Variants in PIGB observed in about 807,000 individuals in gnomAD.
PIGB encodes the protein GPI alpha-1,2-mannosyltransferase 3.
Under a neutral mutation model 68.4 loss-of-function variants are expected in PIGB, and 58 were observed. The observed-to-expected ratio is 0.85, with a 90% CI of 0.69 to 1.06. The LOEUF (loss-of-function observed/expected upper bound fraction) is 1.06, where lower values mean the gene tolerates loss of function less well. Among genes scored for constraint, PIGB ranks in the 50% least tolerant of loss-of-function variants. The pLI is 0.00. For missense variants in PIGB, 634 were observed against 655.8 expected (o/e 0.97, Z 0.36); for synonymous variants, 219 against 220.5 (o/e 0.99, Z 0.06).
rs1343692559 is a variant in PIGB at position 55,333,858 on chromosome 15, C to G, written c.654-9C>G. ...CCCACTTGTCTTATCACACATTTTC[C>G]TCTTATAGTGTCAAATACTCATCCC... On this transcript the variant is annotated splice_polypyrimidine_tract_variant and intron_variant, in intron 5 of 11. Transcript: ENST00000164305. 6.4e-7 allele frequency: 1 copy of G among 1,553,490 alleles called. No individual in the cohort carries two copies. The highest frequency in any genetic ancestry group is 2.0e-5 in the Admixed American group (1 of 50,266).
At chr15:55,336,064 C>T (rs1263094559) in intron 6 of PIGB, among the ~76,000 whole-genome samples, 3 of 152,142 alleles carry the variant, frequency 2.0e-5, no homozygotes, top group African/African-American at 4.8e-5. Flanking sequence ...AATACAGATG[C>T]TCCTTGACTC....
At chr15:55,352,904 A>G (rs1321618645) in intron 10 of PIGB, among the ~76,000 whole-genome samples, 3 of 152,240 alleles carry the variant, frequency 2.0e-5, no homozygotes, top group Admixed American at 6.5e-5. Flanking sequence ...GAATACTCCT[A>G]TTTAACTAAT....
chr15:55,324,855 T>C, intron 3 of PIGB: 1 of 966,942 alleles, frequency 1.0e-6, no homozygotes, highest in Non-Finnish European at 1.2e-6. Flanking sequence ...GAGTGCCTTT[T>C]CCTGTATTTT....
At chr15:55,341,628 G>T in intron 8 of PIGB, 110 bp from the exon 9 acceptor site, 1 of 369,410 alleles carries the variant, frequency 2.7e-6, no homozygotes, top group Non-Finnish European at 4.6e-6. Flanking sequence ...TGAATACTTA[G>T]AAAATAAATA....
chr15:55,341,844 ATAGT>A, intron 9 of PIGB, 42 bp downstream of exon 9: 1 of 880,560 alleles, frequency 1.1e-6, no homozygotes, highest in Non-Finnish European at 1.6e-6. Flanking sequence ...TTATATAGAA[ATAGT>A]CTAAAGACAA....
intron 10 of PIGB, among the ~76,000 whole-genome samples, chr15:55,353,998 T>TAAAAATAAAAAAAAAAAAAAA (rs112479438): frequency 8.0e-5 from 9 of 112,036 alleles, no homozygotes; most frequent in African/African-American, 3.8e-4. Flanking sequence ...TCATCTTAAA[T>TAAAAATAAAAAAAAAAAAAAA]AAAAAAAAAA....
intron 8 of PIGB, among the ~76,000 whole-genome samples, chr15:55,341,370 G>A (rs1426354377): frequency 6.6e-6 from 1 of 151,842 alleles, no homozygotes; most frequent in Non-Finnish European, 1.5e-5. Context: ...CAGTCAATCA[G>A]TCAATCAATA....
chr15:55,321,221 A>AAC (rs2055155921), intron 2 of PIGB, 52 bp from the exon 3 acceptor site: 5 of 1,446,734 alleles, frequency 3.5e-6, no homozygotes, highest in Non-Finnish European at 4.6e-6. Context: ...AAAAAAAAAA[A>AAC]CACGGAAATA....
At position 55,329,740 on chromosome 15, in the gene PIGB, G is replaced by T; in HGVS notation, c.539G>T (p.Cys180Phe). ...VARWVFFCQL[C>F]SWFTWYCCTR... ...TTTTCTTAGTTTTTTTGCCAGTTGT[G>T]CTCCTGGTTCACATGGTATTGCTGT... The change falls in exon 5 of 12, where the codon TGC (cysteine) becomes TTC (phenylalanine). Residue 180 changes from cysteine to phenylalanine, a missense_variant. Cys to Phe is a radical substitution (Grantham distance 205). Coordinates refer to ENST00000164305, the MANE Select transcript of PIGB (RefSeq NM_004855.5). The T allele has an allele frequency of 6.2e-7, 1 of 1,609,312 alleles. No individual in the cohort carries two copies. The highest frequency in any genetic ancestry group is 8.5e-7 in the Non-Finnish European group (1 of 1,178,208).
chr15:55,328,125 C>G (rs2055334074), intron 4 of PIGB, among the ~76,000 whole-genome samples: 1 of 152,112 alleles, frequency 6.6e-6, no homozygotes, highest in Non-Finnish European at 1.5e-5. Flanking sequence ...GTCGTTTGTG[C>G]CACAACAATA....
Position 55,325,760 on chromosome 15 carries a change from C to G in PIGB, c.418-1771C>G, listed in dbSNP as rs955390815. 2.0e-5 allele frequency among the ~76,000 whole-genome samples: 3 copies of G among 151,764 alleles called. No individual in the cohort carries two copies. The East Asian group carries it at 5.8e-4, about 29-fold the overall frequency. ...TGAAACCTCGTCTCTACTAAAAATA[C>G]AAAAAATTAGCCAGGCGTGGTGGCA... On this transcript the variant is annotated intron_variant, in intron 3 of 11. Transcript: ENST00000164305.
At chr15:55,354,259 G>C (rs1039189845) in intron 10 of PIGB, among the ~76,000 whole-genome samples, 3 of 151,826 alleles carry the variant, frequency 2.0e-5, no homozygotes, top group Admixed American at 2.0e-4. Context: ...AGTGAGCTGA[G>C]ATTGCGCCAT....
intron 10 of PIGB, among the ~76,000 whole-genome samples, chr15:55,353,761 T>G (rs2055986808): frequency 3.3e-5 from 5 of 151,944 alleles, no homozygotes; most frequent in African/African-American, 9.7e-5. Flanking sequence ...CATACCACCA[T>G]GCCCGGCTAA....
rs2056054493 is a variant in PIGB, at chr15:55,355,321, A to G, written c.1554A>G (p.Lys518=). The G allele has an allele frequency of 6.2e-7, 1 of 1,610,924 alleles. No individual in the cohort carries two copies. The highest frequency in any genetic ancestry group is 8.5e-7 in the Non-Finnish European group (1 of 1,177,692). ...ISAFLISSNY[K]RTAVFFHTHL... is the part of the protein sequence containing the mutation. ...CTTTCCTAATTTCAAGCAATTATAA[A>G]AGAACTGCTGTTTTCTTCCACACTC... The change falls in exon 12 of 12, where the codon AAA becomes AAG. Residue 518 remains lysine (K), a synonymous_variant. Transcript: ENST00000164305.
chr15:55,348,527 G>T (rs527847263), intron 9 of PIGB: 1 of 152,568 alleles, frequency 6.6e-6, no homozygotes, highest in African/African-American at 2.4e-5. Context: ...CACCATCCTG[G>T]AGTAGTAAGT....
At chr15:55,353,266 T>C (rs1024518154) in intron 10 of PIGB, among the ~76,000 whole-genome samples, 1 of 152,170 alleles carries the variant, frequency 6.6e-6, no homozygotes, top group African/African-American at 2.4e-5. Flanking sequence ...GTCCCTTGAT[T>C]AACATCCAAA....
At chr15:55,353,998 T>TAAAAATAAAATAAAAAAAA (rs112479438) in intron 10 of PIGB, among the ~76,000 whole-genome samples, 1 of 112,034 alleles carries the variant, frequency 8.9e-6, no homozygotes, top group African/African-American at 4.2e-5. Flanking sequence ...TCATCTTAAA[T>TAAAAATAAAATAAAAAAAA]AAAAAAAAAA....
chr15:55,345,164 T>G (rs1256261139), intron 9 of PIGB, among the ~76,000 whole-genome samples: 2 of 152,110 alleles, frequency 1.3e-5, no homozygotes, highest in Non-Finnish European at 2.9e-5. Context: ...GTGCTGGGAT[T>G]ACGGCATGAG....
intron 6 of PIGB, among the ~76,000 whole-genome samples, chr15:55,337,357 C>T (rs770827330): frequency 6.6e-6 from 1 of 152,168 alleles, no homozygotes; most frequent in Non-Finnish European, 1.5e-5. Context: ...GTGGACTGGC[C>T]CCAGTCCATG....
Sources: allele counts gnomAD v4.1 joint callset (sites outside exome capture counted in the v4.1 genomes callset), GRCh38; gene constraint gnomAD v4.1.1; transcripts MANE v1.5; gene names NCBI Gene and HGNC (gene_info 2026-07-23, HGNC 2026-07-21).